Variants in WFDC11 observed in about 807,000 individuals in gnomAD.
WFDC11 encodes protein WFDC11.
A neutral mutation model predicts 9.9 loss-of-function variants in WFDC11; 9 were observed. The ratio of observed to expected loss-of-function variants is 0.91; its 90% CI spans 0.55 to 1.58. WFDC11 has a LOEUF of 1.58. Among genes scored for constraint, WFDC11 ranks in the 40% most tolerant of loss-of-function variants. The probability of loss-of-function intolerance (pLI) is 0.00; values close to 1 mark genes in which losing one functional copy is unlikely to be tolerated. For missense variants in WFDC11, 106 were observed against 101.7 expected, an observed-to-expected ratio of 1.04 and a Z score of -0.18; for synonymous variants, 32 against 33.3, an observed-to-expected ratio of 0.96 and a Z score of 0.13.
chr20:45,658,130 A>C (rs1568662643), intron 2 of WFDC11, among the ~76,000 whole-genome samples: 1 of 152,296 alleles, frequency 6.6e-6, no homozygotes, highest in East Asian at 1.9e-4. Context: ...GTATACACCC[A>C]TGTAATCATC....
intron 1 of WFDC11, among the ~76,000 whole-genome samples, chr20:45,668,582 T>C (rs553703690): frequency 1.7e-3 from 264 of 152,306 alleles, no homozygotes; most frequent in African/African-American, 5.9e-3. Context: ...TGTAAAAATA[T>C]GAAAATGACA....
intron 2 of WFDC11, among the ~76,000 whole-genome samples, chr20:45,664,383 A>C (rs567986958): frequency 1.3e-5 from 2 of 152,292 alleles, no homozygotes; most frequent in Admixed American, 1.3e-4. Flanking sequence ...CCAATTTGCC[A>C]GTCTGCATCT....
chr20:45,661,745 A>T (rs367675777), intron 2 of WFDC11, among the ~76,000 whole-genome samples: 18 of 151,860 alleles, frequency 1.2e-4, no homozygotes, highest in African/African-American at 9.7e-5. Context: ...CGGCGTTATT[A>T]CTGAGGGCTC....
chr20:45,664,940 TC>T (rs1983156724), intron 2 of WFDC11, among the ~76,000 whole-genome samples: 1 of 152,210 alleles, frequency 6.6e-6, no homozygotes, highest in African/African-American at 2.4e-5. Flanking sequence ...TTCTCGTATT[TC>T]CTGAATTTGA....
At chr20:45,666,529 C>A (rs1472154220) in intron 2 of WFDC11, among the ~76,000 whole-genome samples, 3 of 152,192 alleles carry the variant, frequency 2.0e-5, no homozygotes, top group Non-Finnish European at 4.4e-5. Context: ...AGCTGCAGAC[C>A]AGAGCTGTTC....
chr20:45,652,520 G>T (rs184330179), intron 2 of WFDC11, among the ~76,000 whole-genome samples: 3 of 152,166 alleles, frequency 2.0e-5, no homozygotes, highest in Non-Finnish European at 2.9e-5. Flanking sequence ...CTAAAAATCA[G>T]AGTGCCTCTC....
chr20:45,662,423 C>G (rs1214444805), intron 2 of WFDC11, among the ~76,000 whole-genome samples: 1 of 152,090 alleles, frequency 6.6e-6, no homozygotes, highest in African/African-American at 2.4e-5. Flanking sequence ...CTTGTCCTGC[C>G]TAATTGCCCA....
chr20:45,662,287 G>A (rs1303342624), intron 2 of WFDC11, among the ~76,000 whole-genome samples: 1 of 152,200 alleles, frequency 6.6e-6, no homozygotes, highest in East Asian at 1.9e-4. Context: ...AAACTTTGCT[G>A]AAGTTGCTTA....
chr20:45,657,920 T>C (rs769297327), intron 2 of WFDC11, among the ~76,000 whole-genome samples: 5 of 152,184 alleles, frequency 3.3e-5, no homozygotes, highest in Non-Finnish European at 5.9e-5. Flanking sequence ...AAAATATTTC[T>C]AGCAATTCCA....
intron 2 of WFDC11, among the ~76,000 whole-genome samples, chr20:45,659,904 A>G (rs1983018464): frequency 6.6e-6 from 1 of 152,122 alleles, no homozygotes; most frequent in Non-Finnish European, 1.5e-5. Context: ...GGTTAAGAAA[A>G]GGATCCAGTT....
At chr20:45,664,246 T>C (rs545525758) in intron 2 of WFDC11, among the ~76,000 whole-genome samples, 1 of 151,848 alleles carries the variant, frequency 6.6e-6, no homozygotes, top group African/African-American at 2.4e-5. Context: ...TTGTGACCCC[T>C]GCTTTTTTTT....
Position 45,662,847 on chromosome 20 carries a change from G to A in WFDC11, c.-52+4241C>T, listed in dbSNP as rs189834797. On this transcript the variant is annotated intron_variant, in intron 2 of 4. Transcript: ENST00000324384. ...CAGTGTTTTATTGAGGATTTTTGCA[G>A]CAATGTTCATCAGGGATATTGGTAT... Among the ~76,000 whole-genome samples, 1,383 of 152,200 alleles carry A rather than the reference G, an allele frequency of 9.1e-3. 8 individuals are homozygous for A. The highest frequency in any genetic ancestry group is 0.015 in the Non-Finnish European group (1,009 of 67,990).
At chr20:45,665,624 C>T (rs199499077) in intron 2 of WFDC11, among the ~76,000 whole-genome samples, 2 of 151,530 alleles carry the variant, frequency 1.3e-5, no homozygotes, top group South Asian at 2.1e-4. Context: ...TTTTTGTTGA[C>T]GTTGATGCTA....
chr20:45,650,811 C>G (rs1026574977), intron 2 of WFDC11, among the ~76,000 whole-genome samples, 160 bp from the exon 3 acceptor site: 1 of 152,132 alleles, frequency 6.6e-6, no homozygotes, highest in African/African-American at 2.4e-5. Flanking sequence ...CAAAAGGAAT[C>G]CCTCCATCTC....
chr20:45,668,859 A>G (rs764371630), intron 1 of WFDC11, among the ~76,000 whole-genome samples: 5 of 152,198 alleles, frequency 3.3e-5, no homozygotes, highest in Non-Finnish European at 7.3e-5. Flanking sequence ...GAAATTCACT[A>G]TTAGTTACAT....
At chr20:45,663,511 G>C (rs975840903) in intron 2 of WFDC11, among the ~76,000 whole-genome samples, 9 of 152,062 alleles carry the variant, frequency 5.9e-5, no homozygotes, top group African/African-American at 1.9e-4. Context: ...TACTTTAATT[G>C]TGATGTTAGG....
intron 2 of WFDC11, among the ~76,000 whole-genome samples, chr20:45,653,466 A>G (rs1290959227): frequency 2.6e-5 from 4 of 152,194 alleles, no homozygotes; most frequent in Non-Finnish European, 4.4e-5. Flanking sequence ...GGTACCAGCC[A>G]CTTGAAAAAC....
At position 45,650,475 on chromosome 20, in the gene WFDC11, G is replaced by GC. The variant is rs567497034; in HGVS notation, c.100+25dup. On this transcript the variant is annotated intron_variant, in intron 3 of 4. Transcript: ENST00000324384. ...GAAACAAGCTCATCCCCCTCCTGTG[G>GC]CCCCTAATCCAGCCTCACCACCTAC... The GC allele has an allele frequency of 3.4e-4, 542 of 1,587,156 alleles. 1 individual carries two copies. In the African/African-American group the frequency reaches 6.5e-3, roughly 19 times the overall value.
At chr20:45,658,567 A>C (rs1259713602) in intron 2 of WFDC11, among the ~76,000 whole-genome samples, 2 of 151,620 alleles carry the variant, frequency 1.3e-5, no homozygotes, top group African/African-American at 4.8e-5. Flanking sequence ...TTCATTTCTT[A>C]ATGAGCTTAT....
Sources: allele counts gnomAD v4.1 joint callset (sites outside exome capture counted in the v4.1 genomes callset), GRCh38; gene constraint gnomAD v4.1.1; transcripts MANE v1.5; gene names NCBI Gene and HGNC (gene_info 2026-07-23, HGNC 2026-07-21).